DPYD: variants seen among roughly 807,000 people sequenced by gnomAD.
DPYD encodes dihydropyrimidine dehydrogenase [NADP(+)].
A neutral mutation model predicts 116.2 loss-of-function variants in DPYD; 109 were observed. That is an observed-to-expected ratio of 0.94 (90% CI 0.80 to 1.10). The LOEUF (loss-of-function observed/expected upper bound fraction) is 1.10. Among genes scored for constraint, DPYD ranks in the 50% least tolerant of loss-of-function variants. The probability of loss-of-function intolerance (pLI) is 0.00; values close to 1 mark genes in which losing one functional copy is unlikely to be tolerated. For synonymous variants in DPYD, 440 were observed against 432.0 expected, an observed-to-expected ratio of 1.02 and a Z score of -0.23; for missense variants, 1,302 against 1,254.5, an observed-to-expected ratio of 1.04 and a Z score of -0.57.
chr1:97,417,607 A>G (rs920708997), intron 14 of DPYD, among the ~76,000 whole-genome samples: 2 of 152,180 alleles, frequency 1.3e-5, no homozygotes, highest in African/African-American at 4.8e-5. Flanking sequence ...AAATAGCCAT[A>G]TTGTGTTGCC....
intron 8 of DPYD, among the ~76,000 whole-genome samples, chr1:97,619,533 A>G (rs72975739): frequency 1.1e-3 from 160 of 152,282 alleles, no homozygotes; most frequent in African/African-American, 3.7e-3. Flanking sequence ...TTTCAAATGT[A>G]TTGCCTATAT....
At chr1:97,344,641 T>C (rs1273409565) in intron 16 of DPYD, among the ~76,000 whole-genome samples, 1 of 151,714 alleles carries the variant, frequency 6.6e-6, no homozygotes, top group Non-Finnish European at 1.5e-5. Context: ...AAAATTGCTT[T>C]ACTTTTTCCC....
chr1:97,184,283 G>C (rs1237789799), intron 20 of DPYD, among the ~76,000 whole-genome samples: 1 of 152,052 alleles, frequency 6.6e-6, no homozygotes, highest in East Asian at 1.9e-4. Flanking sequence ...TATATATTTG[G>C]CAATGGGATT....
chr1:97,818,779 T>C (rs1389275510), intron 3 of DPYD, among the ~76,000 whole-genome samples: 1 of 151,994 alleles, frequency 6.6e-6, no homozygotes. Context: ...TGCATGTGTA[T>C]ATATGTGTAT....
At position 97,693,619 on chromosome 1, in the gene DPYD, C is replaced by T. The variant is rs1427047199; in HGVS notation, c.681-1821G>A. Among the ~76,000 whole-genome samples the T allele has an allele frequency of 3.3e-5, 5 of 152,094 alleles. No homozygotes were observed. In the South Asian group the frequency reaches 8.3e-4, roughly 25 times the overall value. On this transcript the variant is annotated intron_variant, in intron 6 of 22. Transcript: ENST00000370192. ...CACAGACTTGATAGACATGGGGCTG[C>T]ATGAGAGGGAGATTAAATATGGACT...
At chr1:97,556,163 C>G (rs1377684335) in intron 11 of DPYD, among the ~76,000 whole-genome samples, 1 of 152,004 alleles carries the variant, frequency 6.6e-6, no homozygotes, top group Non-Finnish European at 1.5e-5. Flanking sequence ...ACCTAAGGTG[C>G]CTCCCCCTTG....
At chr1:97,219,949 G>C (rs1316068940) in intron 19 of DPYD, among the ~76,000 whole-genome samples, 2 of 151,944 alleles carry the variant, frequency 1.3e-5, no homozygotes, top group Non-Finnish European at 1.5e-5. Context: ...GCCTGAAATA[G>C]GCCATATTTG....
intron 13 of DPYD, among the ~76,000 whole-genome samples, chr1:97,485,916 A>C (rs537752087): frequency 4.4e-4 from 67 of 152,324 alleles, no homozygotes; most frequent in African/African-American, 1.6e-3. Flanking sequence ...TATATACTGT[A>C]GTTTTAAAAA....
intron 16 of DPYD, among the ~76,000 whole-genome samples, chr1:97,368,017 A>T (rs1254408446): frequency 6.6e-6 from 1 of 152,132 alleles, no homozygotes; most frequent in African/African-American, 2.4e-5. Flanking sequence ...ATGAATTAGA[A>T]TGTCATTTGA....
intron 8 of DPYD, among the ~76,000 whole-genome samples, chr1:97,627,241 G>A (rs1035189653): frequency 6.6e-6 from 1 of 152,064 alleles, no homozygotes; most frequent in African/African-American, 2.4e-5. Context: ...CTGCTGAGAT[G>A]CAGATCCAGG....
At chr1:97,265,254 T>C (rs1375343670) in intron 18 of DPYD, among the ~76,000 whole-genome samples, 2 of 152,186 alleles carry the variant, frequency 1.3e-5, no homozygotes, top group Non-Finnish European at 2.9e-5. Flanking sequence ...ATACAAGTCT[T>C]AGCCCAAATG....
intron 7 of DPYD, among the ~76,000 whole-genome samples, chr1:97,688,754 T>C: frequency 6.6e-6 from 1 of 151,986 alleles, no homozygotes; most frequent in East Asian, 1.9e-4. Flanking sequence ...ATATTTCTGG[T>C]TTTAATATCC....
At chr1:97,142,279 T>G (rs1027997461) in intron 20 of DPYD, among the ~76,000 whole-genome samples, 1 of 152,174 alleles carries the variant, frequency 6.6e-6, no homozygotes, top group Non-Finnish European at 1.5e-5. Context: ...CAGTTAGACT[T>G]TGGCAAGCAT....
At chr1:97,776,087 T>C (rs1422579990) in intron 3 of DPYD, among the ~76,000 whole-genome samples, 1 of 152,142 alleles carries the variant, frequency 6.6e-6, no homozygotes, top group Non-Finnish European at 1.5e-5. Flanking sequence ...GAATAAGATC[T>C]AGCATTTGAT....
chr1:97,482,358 A>AT (rs1479329507), intron 13 of DPYD, among the ~76,000 whole-genome samples: 3 of 152,156 alleles, frequency 2.0e-5, no homozygotes, highest in Non-Finnish European at 4.4e-5. Flanking sequence ...AAACACCTGT[A>AT]TTTTTCTTTT....
chr1:97,733,459 A>G (rs1368756014), intron 4 of DPYD, among the ~76,000 whole-genome samples: 1 of 151,968 alleles, frequency 6.6e-6, no homozygotes, highest in East Asian at 1.9e-4. Context: ...TTCTAAAAGT[A>G]GTGTCATACT....
intron 8 of DPYD, among the ~76,000 whole-genome samples, chr1:97,598,417 A>G (rs189645944): frequency 2.0e-5 from 3 of 152,338 alleles, no homozygotes; most frequent in Middle Eastern, 3.4e-3. Context: ...GAATTGACAA[A>G]GATTTGACAA....
At chr1:97,849,777 T>C (rs1670484966) in intron 2 of DPYD, among the ~76,000 whole-genome samples, 3 of 152,234 alleles carry the variant, frequency 2.0e-5, no homozygotes, top group South Asian at 4.1e-4. Context: ...TCTTTATTTC[T>C]ACAAATTTAC....
At chr1:97,158,932 TAA>T in intron 20 of DPYD, among the ~76,000 whole-genome samples, 1 of 152,236 alleles carries the variant, frequency 6.6e-6, no homozygotes, top group South Asian at 2.1e-4. Flanking sequence ...TGCATTAAGA[TAA>T]GTTAATTGTC....
Sources: gnomAD v4.1 joint callset for allele counts (sites outside exome capture counted in the v4.1 genomes callset) on GRCh38, gnomAD v4.1.1 for gene constraint, MANE v1.5 for transcripts, NCBI Gene and HGNC (gene_info 2026-07-23, HGNC 2026-07-21) for gene names.